The following SGK1 variants were observed in gnomAD, a reference collection of about 807,000 sequenced individuals.
SGK1 encodes serum/glucocorticoid regulated kinase 1.
SGK1 carries 26 observed loss-of-function variants against 64.2 expected under a neutral mutation model. That is an observed-to-expected ratio of 0.40 (90% confidence interval 0.30 to 0.56). SGK1 has a LOEUF of 0.56. Among genes scored for constraint, SGK1 ranks in the 20% least tolerant of loss-of-function variants. SGK1 has a pLI of 0.38. For synonymous variants in SGK1, 265 were observed against 239.7 expected (o/e 1.11, Z -0.98); for missense variants, 519 against 645.6 (o/e 0.80, Z 2.12).
At chr6:134,233,642 T>C (rs1182523902) in intron 2 of SGK1, among the ~76,000 whole-genome samples, 1 of 152,184 alleles carries the variant, frequency 6.6e-6, no homozygotes, top group Non-Finnish European at 1.5e-5. Flanking sequence ...GTTGTAATCA[T>C]TTTCACCCTG....
intron 3 of SGK1, among the ~76,000 whole-genome samples, chr6:134,190,324 C>T (rs1388635307): frequency 6.9e-6 from 1 of 145,702 alleles, no homozygotes; most frequent in African/African-American, 2.5e-5. Context: ...CTGGCTGTAT[C>T]ACCCAGGCTA....
At chr6:134,205,953 C>A (rs1186725939) in intron 3 of SGK1, among the ~76,000 whole-genome samples, 1 of 152,086 alleles carries the variant, frequency 6.6e-6, no homozygotes, top group Admixed American at 6.6e-5. Flanking sequence ...GCAATTAGGC[C>A]TCACGGCTCA....
At chr6:134,186,824 GTTT>G (rs964420471) in intron 3 of SGK1, among the ~76,000 whole-genome samples, 2 of 147,724 alleles carry the variant, frequency 1.4e-5, no homozygotes, top group Admixed American at 6.8e-5. Context: ...TTTTTTTTTG[GTTT>G]TTTTTTTGAG....
chr6:134,269,775 A>G (rs953864160), intron 1 of SGK1, among the ~76,000 whole-genome samples: 1 of 148,110 alleles, frequency 6.8e-6, no homozygotes, highest in African/African-American at 2.4e-5. Flanking sequence ...AGGCTCCTGG[A>G]AGCAAATTCA....
At chr6:134,297,953 G>A (rs911803367) in intron 1 of SGK1, 134 of 807,018 alleles carry the variant, frequency 1.7e-4, no homozygotes, top group Non-Finnish European at 2.7e-4. Context: ...TGATGATGCC[G>A]TCCATGTCCG....
At chr6:134,220,928 G>A (rs572256988) in intron 2 of SGK1, among the ~76,000 whole-genome samples, 1 of 150,394 alleles carries the variant, frequency 6.6e-6, no homozygotes, top group Non-Finnish European at 1.5e-5. Context: ...GTTGCAGTGA[G>A]CCAAGATCAT....
At chr6:134,241,453 T>G (rs561741618) in intron 2 of SGK1, among the ~76,000 whole-genome samples, 2 of 151,968 alleles carry the variant, frequency 1.3e-5, no homozygotes, top group Non-Finnish European at 2.9e-5. Context: ...CCTCCCAAAA[T>G]GCTGGTGTGA....
At chr6:134,219,543 C>G (rs1355440486) in intron 2 of SGK1, among the ~76,000 whole-genome samples, 2 of 150,394 alleles carry the variant, frequency 1.3e-5, no homozygotes, top group African/African-American at 2.4e-5. Context: ...AGCAGATCAC[C>G]TGAGGTTGGG....
At chr6:134,195,641 T>C (rs1775584181) in intron 3 of SGK1, among the ~76,000 whole-genome samples, 1 of 152,216 alleles carries the variant, frequency 6.6e-6, no homozygotes, top group African/African-American at 2.4e-5. Flanking sequence ...CCATTGTAGA[T>C]GGTTTAAGTC....
intron 1 of SGK1, among the ~76,000 whole-genome samples, chr6:134,271,139 T>A (rs1283127083): frequency 7.6e-6 from 1 of 130,726 alleles, no homozygotes; most frequent in Non-Finnish European, 1.8e-5. Flanking sequence ...CAACATATAG[T>A]GAAACTCCAT....
chr6:134,298,556 C>A, intron 1 of SGK1: 1 of 834,308 alleles, frequency 1.2e-6, no homozygotes, highest in East Asian at 2.5e-5. Flanking sequence ...CCAGGCTACC[C>A]TGGAAGCTGC....
intron 1 of SGK1, chr6:134,297,741 TCAGCCTGCCTCGGCCTC>T: frequency 2.1e-6 from 1 of 471,384 alleles, no homozygotes; most frequent in Non-Finnish European, 3.9e-6. Flanking sequence ...GACCTCGTGA[TCAGCCTGCCTCGGCCTC>T]CCAAAGTGCT....
intron 2 of SGK1, among the ~76,000 whole-genome samples, chr6:134,244,370 T>C (rs1475163349): frequency 1.3e-5 from 2 of 152,216 alleles, no homozygotes; most frequent in African/African-American, 4.8e-5. Flanking sequence ...CAGTCTAACA[T>C]TGATGGGCAT....
At chr6:134,192,369 C>T (rs765911993) in intron 3 of SGK1, among the ~76,000 whole-genome samples, 24 of 152,290 alleles carry the variant, frequency 1.6e-4, no homozygotes, top group Non-Finnish European at 2.8e-4. Context: ...TCTACTTTAA[C>T]GACTCCAGCC....
In SGK1 at chr6:134,290,440, ACAAAGACAAATGACAG is replaced by A. The variant is rs1562275923; in HGVS notation, c.69+26936_69+26951del. ...TGTGATTTTCTGTCAAAAAAAAAAA[ACAAAGACAAATGACAG>A]CAATACAAGCTCCATTTGGTTTGGG... On this transcript the variant is annotated intron_variant, in intron 1 of 13. Transcript: ENST00000367858. 8.0e-5 allele frequency among the ~76,000 whole-genome samples: 12 copies of A among 150,152 alleles called. No homozygotes were observed. In the South Asian group the frequency reaches 2.3e-3, roughly 29 times the overall value.
rs1187201817 is a variant in SGK1 at position 134,267,381 on chromosome 6, A to G, written c.70-5233T>C. On this transcript the variant is annotated intron_variant, in intron 1 of 13. Coordinates refer to ENST00000367858, the MANE Select transcript of SGK1 (RefSeq NM_001143676.3). Reference sequence around the variant, plus strand: ...GGCACGATCATAGCTCACTTCAACCAAGAGCTCCTAGGCTCAAGCTATCCT... The same window carrying G: ...GGCACGATCATAGCTCACTTCAACCGAGAGCTCCTAGGCTCAAGCTATCCT... 2.0e-5 allele frequency among the ~76,000 whole-genome samples: 3 copies of G among 152,172 alleles called. No individual in the cohort carries two copies. The East Asian group carries it at 5.8e-4, about 29-fold the overall frequency.
intron 11 of SGK1, 33 bp downstream of exon 11, chr6:134,171,604 G>T: frequency 7.0e-7 from 1 of 1,438,718 alleles, no homozygotes; most frequent in Non-Finnish European, 9.8e-7. Context: ...TAGGGAGCAG[G>T]CAGTGTTCCA....
At chr6:134,207,493 G>T in intron 2 of SGK1, 62 bp from the exon 3 acceptor site, 2 of 1,119,974 alleles carry the variant, frequency 1.8e-6, no homozygotes, top group Non-Finnish European at 2.7e-6. Flanking sequence ...AGCTATTTTA[G>T]GCTTATAGTT....
chr6:134,257,134 G>A (rs2114742658), intron 2 of SGK1: 1 of 152,654 alleles, frequency 6.6e-6, no homozygotes, highest in South Asian at 2.1e-4. Context: ...AATACCAGGT[G>A]CTGTAGGCTT....
Sources: allele counts gnomAD v4.1 joint callset (sites outside exome capture counted in the v4.1 genomes callset), GRCh38; gene constraint gnomAD v4.1.1; transcripts MANE v1.5; gene names NCBI Gene and HGNC (gene_info 2026-07-23, HGNC 2026-07-21).